Variants in SURF4 observed in about 807,000 individuals in gnomAD.
SURF4 encodes the protein surfeit locus protein 4.
A neutral mutation model predicts 30.0 loss-of-function variants in SURF4; 3 were observed. The ratio of observed to expected loss-of-function variants is 0.10; its 90% confidence interval spans 0.05 to 0.26. SURF4 has a LOEUF of 0.26. SURF4 is among the 10% of genes least tolerant of loss of function. The pLI is 1.00. For missense variants in SURF4, 217 were observed against 350.8 expected (o/e 0.62, Z 3.05); for synonymous variants, 143 against 139.9 (o/e 1.02, Z -0.16).
chr9:133,373,909 CAAAAA>C (rs71824689), intron 1 of SURF4, among the ~76,000 whole-genome samples: 2,266 of 47,430 alleles, frequency 0.048, 49 homozygotes, highest in African/African-American at 0.11. Context: ...AATTCTGTCT[CAAAAA>C]AAAAAAAAAA....
At chr9:133,376,546 A>G (rs2130249236), upstream of SURF4, 19 of 1,598,772 alleles carry the variant, frequency 1.2e-5, no homozygotes, top group Admixed American at 1.7e-5. Context: ...CGGAGAGCCC[A>G]TGGAGAAGTA....
chr9:133,376,049 T>C lies in SURF4; in HGVS notation c.-80A>G. ...GTCGGCGCCCGCACCCGCTGCGGCC[T>C]CCACAGGAAGTGCCCGGCGGCCGGC... On this transcript the variant is annotated 5_prime_UTR_variant, in exon 1 of 6. Coordinates refer to ENST00000371989, the MANE Select transcript of SURF4 (RefSeq NM_033161.4). The C allele has an allele frequency of 8.3e-7, 1 of 1,203,706 alleles. No individual in the cohort carries two copies. The highest frequency in any genetic ancestry group is 1.0e-6 in the Non-Finnish European group (1 of 969,300). The allele number at this position is 1,203,706 out of a possible 1,614,324, so 74.6% of individuals were successfully genotyped here. A position where few individuals can be genotyped will look rare whatever the true frequency, so the allele number is the denominator to read the frequency against.
At chr9:133,368,383 G>GGAAGCA in intron 1 of SURF4, among the ~76,000 whole-genome samples, 1 of 152,360 alleles carries the variant, frequency 6.6e-6, no homozygotes, top group Admixed American at 6.5e-5. Context: ...CATGTGTGCT[G>GGAAGCA]TTGCAAACCA....
At chr9:133,372,505 T>C (rs950398534) in intron 1 of SURF4, 7 of 780,276 alleles carry the variant, frequency 9.0e-6, no homozygotes, top group Non-Finnish European at 6.2e-6. Context: ...AAGGAATGTC[T>C]ATCATGGACC....
chr9:133,376,040 G>C lies in SURF4; in HGVS notation c.-71C>G, dbSNP rs1398667308. 1.7e-6 allele frequency: 2 copies of C among 1,143,914 alleles called. No homozygotes were observed. Among genetic ancestry groups the C allele is most frequent in the Non-Finnish European group, 2.1e-6 (2 of 933,912 alleles). 70.9% of individuals were successfully genotyped at this position (1,143,914 alleles called of 1,614,324 possible). On this transcript the variant is annotated 5_prime_UTR_variant, in exon 1 of 6. Transcript: ENST00000371989. ...CTCTCGCCCGTCGGCGCCCGCACCC[G>C]CTGCGGCCTCCACAGGAAGTGCCCG...
At chr9:133,364,593 G>A (rs1333289406) in intron 5 of SURF4, among the ~76,000 whole-genome samples, 2 of 151,948 alleles carry the variant, frequency 1.3e-5, no homozygotes, top group African/African-American at 4.8e-5. Context: ...TCGGGAGGCT[G>A]AGGCAGGAGA....
chr9:133,376,075 C>G (rs1837913752), upstream of SURF4: 2 of 1,206,944 alleles, frequency 1.7e-6, no homozygotes, highest in South Asian at 4.1e-5. Context: ...GGCGGCCGGC[C>G]TCGCTCCGCG....
chr9:133,370,752 TA>T, intron 1 of SURF4: 1 of 705,882 alleles, frequency 1.4e-6, no homozygotes, highest in Non-Finnish European at 2.2e-6. Context: ...GTGACCTGTG[TA>T]AACACGGCGA....
At chr9:133,372,571 G>A (rs1377982953) in intron 1 of SURF4, 2 of 984,634 alleles carry the variant, frequency 2.0e-6, no homozygotes, top group Non-Finnish European at 2.4e-6. Flanking sequence ...ACTGGGCCTG[G>A]GAAACTAAGC....
At chr9:133,368,646 CATTT>C (rs1837323350) in intron 1 of SURF4, among the ~76,000 whole-genome samples, 1 of 152,214 alleles carries the variant, frequency 6.6e-6, no homozygotes, top group Non-Finnish European at 1.5e-5. Flanking sequence ...GGAAAGAAAA[CATTT>C]ATGACTTCCT....
chr9:133,363,265 G>C lies in SURF4; in HGVS notation c.*228C>G. On this transcript the variant is annotated 3_prime_UTR_variant, in exon 6 of 6. Transcript: ENST00000371989. The surrounding 1 kb of genome is among the most constrained non-coding windows in gnomAD (Gnocchi z 4.3). ...CTCGGCGTGGGGGAGGCTTCCAGCTGCCAGGCTGGCCTGCACTGAAGGGTC... is the reference window on the plus strand; with the variant it reads ...CTCGGCGTGGGGGAGGCTTCCAGCTCCCAGGCTGGCCTGCACTGAAGGGTC... 1 of 752,240 alleles carries C rather than the reference G, an allele frequency of 1.3e-6. No homozygotes were observed. The highest frequency in any genetic ancestry group is 1.7e-5 in the African/African-American group (1 of 57,446). The allele number at this position is 752,240 out of a possible 1,614,324, so 46.6% of individuals were successfully genotyped here.
At chr9:133,364,562 G>A (rs1306028568) in intron 5 of SURF4, among the ~76,000 whole-genome samples, 2 of 152,096 alleles carry the variant, frequency 1.3e-5, no homozygotes, top group African/African-American at 4.8e-5. Flanking sequence ...CGTGTTGGCA[G>A]GCGCCTGTAG....
At chr9:133,374,760 CG>C (rs2130228650) in intron 1 of SURF4, among the ~76,000 whole-genome samples, 78 of 151,944 alleles carry the variant, frequency 5.1e-4, no homozygotes, top group African/African-American at 1.8e-3. Flanking sequence ...CCAGGAGGAA[CG>C]GAAGAGTTCA....
At chr9:133,366,568 G>C (rs1319841609) in intron 3 of SURF4, 31 bp downstream of exon 3, 1 of 1,611,662 alleles carries the variant, frequency 6.2e-7, no homozygotes, top group African/African-American at 1.3e-5. Context: ...AGAGCAAAGA[G>C]AAGGGAGCCC....
rs2130087363 is a variant in SURF4 at position 133,363,487 on chromosome 9, T to A, written c.*6A>T. On this transcript the variant is annotated 3_prime_UTR_variant, in exon 6 of 6. Transcript: ENST00000371989. The surrounding 1 kb of genome is among the most constrained non-coding windows in gnomAD (Gnocchi z 4.3). Reference sequence around the variant, plus strand: ...TCTTAGCCAGGCAGGTAGGGATCTGTGACTGTTACCACTCCTTCTTCTTCT... The same window carrying A: ...TCTTAGCCAGGCAGGTAGGGATCTGAGACTGTTACCACTCCTTCTTCTTCT... 5 of 1,614,236 alleles carry A rather than the reference T, an allele frequency of 3.1e-6. No homozygotes were observed. The highest frequency in any genetic ancestry group is 3.4e-6 in the Non-Finnish European group (4 of 1,180,048).
rs2130152191 is a variant in SURF4 at position 133,367,946 on chromosome 9, G to A, written c.49-501C>T. On this transcript the variant is annotated intron_variant, in intron 1 of 5. Transcript: ENST00000371989. ...GAGGCCAGGCCACTCTTTGCCGTGGGTCATCCTGGGTGCTGCAGGCTATGA... is the reference window on the plus strand; with the variant it reads ...GAGGCCAGGCCACTCTTTGCCGTGGATCATCCTGGGTGCTGCAGGCTATGA... Among the ~76,000 whole-genome samples the A allele has an allele frequency of 6.1e-3, 923 of 152,358 alleles. 6 individuals carry two copies. Among genetic ancestry groups the A allele is most frequent in the African/African-American group, 0.017 (718 of 41,592 alleles).
Position 133,372,952 on chromosome 9 carries a change from A to C in SURF4, c.48+2970T>G, listed in dbSNP as rs188149987. ...AAAGGGCATGGAAGCTCCCACAGCC[A>C]TGCTCTGCCACCACCTAGACGGACT... is the stretch of plus-strand genomic sequence containing the variant. On this transcript the variant is annotated intron_variant, in intron 1 of 5. Coordinates refer to ENST00000371989, the MANE Select transcript of SURF4 (RefSeq NM_033161.4). 4.6e-4 allele frequency among the ~76,000 whole-genome samples: 70 copies of C among 152,308 alleles called. No individual in the cohort carries two copies. In the East Asian group the frequency reaches 5.4e-3, roughly 12 times the overall value.
At position 133,363,108 on chromosome 9, in the gene SURF4, G is replaced by A. The variant is rs1414085367; in HGVS notation, c.*385C>T. The A allele has an allele frequency of 9.9e-6, 4 of 406,090 alleles. No individual in the cohort carries two copies. Among genetic ancestry groups the A allele is most frequent in the East Asian group, 4.6e-5 (1 of 21,664 alleles). The allele number at this position is 406,090 out of a possible 1,614,324, so 25.2% of individuals were successfully genotyped here. ...AAAATGTAAACTTACAAATAAGAGGGAGACTGCTTTGAATGATAATACCAA... is the reference window on the plus strand; with the variant it reads ...AAAATGTAAACTTACAAATAAGAGGAAGACTGCTTTGAATGATAATACCAA... On this transcript the variant is annotated 3_prime_UTR_variant, in exon 6 of 6. Coordinates refer to ENST00000371989, the MANE Select transcript of SURF4 (RefSeq NM_033161.4). This position sits in a 1 kb window ranked among gnomAD's most constrained non-coding sequence, Gnocchi z 4.3.
upstream of SURF4, chr9:133,376,083 G>C (rs2130245043): frequency 6.7e-6 from 8 of 1,202,378 alleles, no homozygotes; most frequent in South Asian, 3.3e-4. Context: ...GCCTCGCTCC[G>C]CGTCGGCTGC....
Sources: allele counts gnomAD v4.1 joint callset (sites outside exome capture counted in the v4.1 genomes callset), GRCh38; gene constraint gnomAD v4.1.1; non-coding constraint Gnocchi (gnomAD v3.1); transcripts MANE v1.5; gene names NCBI Gene and HGNC (gene_info 2026-07-23, HGNC 2026-07-21).